KLHL1: variants seen among roughly 807,000 people sequenced by gnomAD.
KLHL1 encodes kelch like family member 1, also known as kelch-like protein 1.
KLHL1 carries 47 observed loss-of-function variants against 77.7 expected under a neutral mutation model. The ratio of observed to expected loss-of-function variants is 0.60; its 90% confidence interval spans 0.48 to 0.77. KLHL1 has a LOEUF of 0.77. Ranked by LOEUF, KLHL1 falls within the 30% of genes least tolerant of loss-of-function variation. The pLI, the probability that KLHL1 is intolerant of heterozygous loss-of-function variation, is 0.00. For synonymous variants in KLHL1, 360 were observed against 325.2 expected (o/e 1.11, Z -1.15); for missense variants, 925 against 910.8 (o/e 1.02, Z -0.20).
At chr13:69,836,821 G>A (rs1879009473) in intron 6 of KLHL1, among the ~76,000 whole-genome samples, 1 of 151,588 alleles carries the variant, frequency 6.6e-6, no homozygotes, top group Admixed American at 6.6e-5. Context: ...ACCATAGGCT[G>A]TTACTACTGA....
At chr13:70,040,553 A>C (rs1450100527) in intron 1 of KLHL1, among the ~76,000 whole-genome samples, 1 of 152,118 alleles carries the variant, frequency 6.6e-6, no homozygotes, top group Non-Finnish European at 1.5e-5. Flanking sequence ...GACTTCCATG[A>C]TTTCTGATGG....
At chr13:69,812,814 T>G (rs1414857554) in intron 6 of KLHL1, among the ~76,000 whole-genome samples, 1 of 149,552 alleles carries the variant, frequency 6.7e-6, no homozygotes, top group Non-Finnish European at 1.5e-5. Flanking sequence ...CATTAAAAAG[T>G]CAGGAAACAA....
intron 1 of KLHL1, among the ~76,000 whole-genome samples, chr13:70,023,582 G>T (rs149375857): frequency 6.6e-6 from 1 of 151,930 alleles, no homozygotes; most frequent in Non-Finnish European, 1.5e-5. Flanking sequence ...ACAAAGTGTC[G>T]ATTTTTTGTT....
intron 3 of KLHL1, among the ~76,000 whole-genome samples, chr13:69,956,000 T>TATATTTATATATATTTGATATAC: frequency 1.7e-5 from 2 of 117,278 alleles, no homozygotes; most frequent in Middle Eastern, 4.1e-3. Context: ...TTATTTGATA[T>TATATTTATATATATTTGATATAC]ATATTTATAT....
chr13:70,052,347 T>A (rs1321057306), intron 1 of KLHL1, among the ~76,000 whole-genome samples: 1 of 151,602 alleles, frequency 6.6e-6, no homozygotes, highest in African/African-American at 2.4e-5. Flanking sequence ...GAAAAAAAAA[T>A]ATTTAAGTTA....
Position 70,053,445 on chromosome 13 carries a change from C to T in KLHL1, c.497+53758G>A, listed in dbSNP as rs578068667. 5.9e-5 allele frequency among the ~76,000 whole-genome samples: 9 copies of T among 152,054 alleles called. No homozygotes were observed. In the East Asian group the frequency reaches 1.7e-3, roughly 30 times the overall value. ...AATAATATATGTGATTTAGAAACAACTCAAGAGACTTCCTGTCAATAAAAT... is the reference window on the plus strand; with the variant it reads ...AATAATATATGTGATTTAGAAACAATTCAAGAGACTTCCTGTCAATAAAAT... On this transcript the variant is annotated intron_variant, in intron 1 of 10. Transcript: ENST00000377844.
chr13:69,731,937 A>AT (rs942677954), intron 8 of KLHL1, among the ~76,000 whole-genome samples: 1 of 152,120 alleles, frequency 6.6e-6, no homozygotes, highest in Non-Finnish European at 1.5e-5. Flanking sequence ...AAAATATTTT[A>AT]TTTTTTGACC....
At chr13:69,961,776 G>A (rs2501222) in intron 2 of KLHL1, among the ~76,000 whole-genome samples, 3 of 151,070 alleles carry the variant, frequency 2.0e-5, no homozygotes, top group African/African-American at 7.3e-5. Flanking sequence ...CTAAACTATC[G>A]TGAATTTGAA....
chr13:70,050,361 T>C (rs1427107205), intron 1 of KLHL1, among the ~76,000 whole-genome samples: 1 of 151,842 alleles, frequency 6.6e-6, no homozygotes, highest in Non-Finnish European at 1.5e-5. Context: ...AAGTTAAAGT[T>C]TTATAAGGTT....
chr13:70,029,150 A>T (rs1267068066), intron 1 of KLHL1, among the ~76,000 whole-genome samples: 1 of 151,868 alleles, frequency 6.6e-6, no homozygotes, highest in Non-Finnish European at 1.5e-5. Flanking sequence ...TGGTTGGGGG[A>T]CTGGTAATGC....
rs374624795 is a variant in KLHL1, at chr13:69,839,255, T to G, written c.1228-93A>C. On this transcript the variant is annotated intron_variant, in intron 5 of 10. Transcript: ENST00000377844. ...ACTAGAAGTTTAATGTCTGTGATAT[T>G]ATCCTTATATTGAGCAGGATGCAGG... The G allele has an allele frequency of 2.6e-3, 2,134 of 820,084 alleles. 64 individuals are homozygous for G. The South Asian group carries it at 0.045, about 17-fold the overall frequency. The allele number at this position is 820,084 out of a possible 1,614,324, so 50.8% of individuals were successfully genotyped here.
chr13:69,861,798 A>C (rs1376973855), intron 5 of KLHL1, among the ~76,000 whole-genome samples: 5 of 148,258 alleles, frequency 3.4e-5, no homozygotes, highest in African/African-American at 9.8e-5. Flanking sequence ...AAAAAAAAAA[A>C]AAAAAAAAAA....
At chr13:69,844,862 GT>G (rs2138120590) in intron 5 of KLHL1, among the ~76,000 whole-genome samples, 1 of 151,452 alleles carries the variant, frequency 6.6e-6, no homozygotes, top group East Asian at 1.9e-4. Flanking sequence ...AGAAATTTCT[GT>G]TTTCTTAGCA....
At chr13:69,884,988 C>T (rs868075603) in intron 4 of KLHL1, among the ~76,000 whole-genome samples, 2 of 127,298 alleles carry the variant, frequency 1.6e-5, no homozygotes, top group South Asian at 2.2e-4. Context: ...GGCCGGACTG[C>T]GGACTGCAGT....
chr13:69,973,203 C>T (rs1884443862), intron 2 of KLHL1, among the ~76,000 whole-genome samples: 1 of 151,866 alleles, frequency 6.6e-6, no homozygotes, highest in South Asian at 2.1e-4. Context: ...TTTCATAAAA[C>T]AATTGATAAT....
chr13:70,088,710 AT>A (rs2137439125), intron 1 of KLHL1, among the ~76,000 whole-genome samples: 1 of 152,258 alleles, frequency 6.6e-6, no homozygotes, highest in East Asian at 1.9e-4. Flanking sequence ...ATAAAATAAA[AT>A]AAAAAACAAT....
chr13:69,902,267 A>G (rs576331293), intron 4 of KLHL1, among the ~76,000 whole-genome samples: 1 of 152,324 alleles, frequency 6.6e-6, no homozygotes, highest in African/African-American at 2.4e-5. Context: ...TGTTTGTTCA[A>G]CATGGGCTGG....
chr13:69,780,798 T>C (rs1178975699), intron 7 of KLHL1, among the ~76,000 whole-genome samples: 1 of 146,034 alleles, frequency 6.8e-6, no homozygotes, highest in Admixed American at 7.1e-5. Flanking sequence ...TAAGAAATAT[T>C]ACTTCAAGTA....
At chr13:69,718,505 T>C (rs1415207414) in intron 9 of KLHL1, among the ~76,000 whole-genome samples, 2 of 151,488 alleles carry the variant, frequency 1.3e-5, no homozygotes, top group African/African-American at 2.4e-5. Flanking sequence ...CCACTGAGAG[T>C]TTTAAAGTTA....
Sources: allele counts gnomAD v4.1 joint callset (sites outside exome capture counted in the v4.1 genomes callset), GRCh38; gene constraint gnomAD v4.1.1; transcripts MANE v1.5; gene names NCBI Gene and HGNC (gene_info 2026-07-23, HGNC 2026-07-21).